ASIC1: variants seen among roughly 807,000 people sequenced by gnomAD.
The protein encoded by ASIC1 is acid-sensing ion channel 1.
A neutral mutation model predicts 63.4 loss-of-function variants in ASIC1; 21 were observed. The ratio of observed to expected loss-of-function variants is 0.33; its 90% CI spans 0.23 to 0.48. The LOEUF (loss-of-function observed/expected upper bound fraction) is 0.48. Ranked by LOEUF, ASIC1 falls within the 20% of genes least tolerant of loss-of-function variation. The pLI, the probability that ASIC1 is intolerant of heterozygous loss-of-function variation, is 0.99. For missense variants in ASIC1, 478 were observed against 695.5 expected (o/e 0.69, Z 3.52); for synonymous variants, 258 against 278.2 (o/e 0.93, Z 0.72).
intron 3 of ASIC1, among the ~76,000 whole-genome samples, chr12:50,070,142 G>A (rs1950584466): frequency 6.6e-6 from 1 of 152,180 alleles, no homozygotes; most frequent in East Asian, 1.9e-4. Flanking sequence ...TGGGTGGGGG[G>A]CGCTGTATGC....
Position 50,082,032 on chromosome 12 carries a change from G to A in ASIC1, c.*383G>A, listed in dbSNP as rs1468009447. On this transcript the variant is annotated 3_prime_UTR_variant, in exon 12 of 12. Transcript: ENST00000447966. ...AGGCCCTTCCCAGTGAGGGGTGGAA[G>A]GGATCTCTGGGGTCTGGAATTTGGC... The A allele has an allele frequency of 4.7e-6, 1 of 213,542 alleles. No individual in the cohort carries two copies. Among genetic ancestry groups the A allele is most frequent in the Non-Finnish European group, 9.4e-6 (1 of 106,910 alleles). The allele number at this position is 213,542 out of a possible 1,614,324, so 13.2% of individuals were successfully genotyped here. A position where few individuals can be genotyped will look rare whatever the true frequency, so the allele number is the denominator to read the frequency against.
At chr12:50,077,019 G>A (rs1480728820) in intron 3 of ASIC1, 194 bp from the exon 4 acceptor site, 1 of 942,564 alleles carries the variant, frequency 1.1e-6, no homozygotes, top group Non-Finnish European at 1.7e-6. Context: ...ACCAGGAACA[G>A]TTTTCCAGGG....
Position 50,059,752 on chromosome 12 carries a change from A to G in ASIC1, c.363-7A>G. On this transcript the variant is annotated splice_region_variant and splice_polypyrimidine_tract_variant and intron_variant, in intron 2 of 11. Coordinates refer to ENST00000447966, the MANE Select transcript of ASIC1 (RefSeq NM_001095.4). This position sits in a 1 kb window ranked among gnomAD's most constrained non-coding sequence, Gnocchi z 4.6. Reference sequence around the variant, plus strand: ...TGACCCGTGTGTCACTCACCCCCGGACCCCAGGTATGAGATACCAGACACA... The same window carrying G: ...TGACCCGTGTGTCACTCACCCCCGGGCCCCAGGTATGAGATACCAGACACA... The G allele has an allele frequency of 6.2e-7, 1 of 1,611,842 alleles. No individual in the cohort carries two copies. Among genetic ancestry groups the G allele is most frequent in the Non-Finnish European group, 8.5e-7 (1 of 1,178,884 alleles).
In ASIC1 at chr12:50,081,224, G is replaced by A. The variant is rs1446376736; in HGVS notation, c.1378-36G>A. 3.1e-6 allele frequency: 5 copies of A among 1,604,958 alleles called. No individual in the cohort carries two copies. In the Admixed American group the frequency reaches 5.1e-5, roughly 16 times the overall value. ...CCGGCACGGGGCCACGTGGGGGCGGGGTCCAGCCCGCCCACCTGCCCCGTC... is the reference window on the plus strand; with the variant it reads ...CCGGCACGGGGCCACGTGGGGGCGGAGTCCAGCCCGCCCACCTGCCCCGTC... On this transcript the variant is annotated intron_variant, in intron 10 of 11. Transcript: ENST00000447966.
At chr12:50,060,927 C>T (rs1950495468) in intron 3 of ASIC1, among the ~76,000 whole-genome samples, 1 of 152,196 alleles carries the variant, frequency 6.6e-6, no homozygotes, top group Non-Finnish European at 1.5e-5. Flanking sequence ...AATCACATTA[C>T]CTCTGTTTTA....
intron 4 of ASIC1, 64 bp downstream of exon 4, chr12:50,077,427 C>T (rs1205904554): frequency 1.2e-6 from 2 of 1,600,368 alleles, no homozygotes; most frequent in African/African-American, 2.7e-5. Flanking sequence ...CCAGGGGATT[C>T]CTGGGCTTCA....
intron 3 of ASIC1, among the ~76,000 whole-genome samples, chr12:50,068,027 C>G (rs1950562705): frequency 6.6e-6 from 1 of 152,128 alleles, no homozygotes; most frequent in Admixed American, 6.5e-5. Flanking sequence ...TCAATGCTAC[C>G]CCATAAGAGT....
Position 50,078,799 on chromosome 12 carries a change from A to C in ASIC1, c.995-125A>C. Reference sequence around the variant, plus strand: ...TGGAGTGGGTCACTTCTGGGGCAGCATGGGGGCCTGCCAGTCCTCCCTTCC... The same window carrying C: ...TGGAGTGGGTCACTTCTGGGGCAGCCTGGGGGCCTGCCAGTCCTCCCTTCC... On this transcript the variant is annotated intron_variant, in intron 6 of 11. Transcript: ENST00000447966. This position sits in a 1 kb window ranked among gnomAD's most constrained non-coding sequence, Gnocchi z 6.0. 4 of 1,343,186 alleles carry C rather than the reference A, an allele frequency of 3.0e-6. No individual in the cohort carries two copies. Among genetic ancestry groups the C allele is most frequent in the Non-Finnish European group, 3.2e-6 (3 of 939,090 alleles). 83.2% of individuals were successfully genotyped at this position (1,343,186 alleles called of 1,614,324 possible). A position where few individuals can be genotyped will look rare whatever the true frequency, so the allele number is the denominator to read the frequency against.
chr12:50,082,600 CCTGT>C lies in ASIC1; in HGVS notation c.*958_*961del, dbSNP rs1021232734. 1.3e-5 allele frequency: 2 copies of C among 152,626 alleles called. No homozygotes were observed. The highest frequency in any genetic ancestry group is 2.4e-5 in the African/African-American group (1 of 41,410). The allele number at this position is 152,626 out of a possible 1,614,324, so 9.5% of individuals were successfully genotyped here. Reference sequence around the variant, plus strand: ...ATATCTCTGTATATACTTTCCCAGCCCTGTCTGTCTCCACCCCATCCCCTCTTGT... The same window carrying C: ...ATATCTCTGTATATACTTTCCCAGCCCTGTCTCCACCCCATCCCCTCTTGT... On this transcript the variant is annotated 3_prime_UTR_variant, in exon 12 of 12. Coordinates refer to ENST00000447966, the MANE Select transcript of ASIC1 (RefSeq NM_001095.4).
intron 3 of ASIC1, among the ~76,000 whole-genome samples, chr12:50,065,169 C>G (rs553603815): frequency 3.3e-4 from 51 of 152,284 alleles, no homozygotes; most frequent in African/African-American, 1.2e-3. Flanking sequence ...CTTGGCCAAC[C>G]CCTGCCCACC....
chr12:50,069,583 C>G (rs12322287), intron 3 of ASIC1, among the ~76,000 whole-genome samples: 2 of 152,156 alleles, frequency 1.3e-5, no homozygotes, highest in South Asian at 4.1e-4. Context: ...CATAAGCCAC[C>G]GCGCCCAGCC....
intron 7 of ASIC1, among the ~76,000 whole-genome samples, chr12:50,079,538 G>C (rs1950693128): frequency 1.3e-5 from 2 of 152,212 alleles, no homozygotes; most frequent in Non-Finnish European, 2.9e-5. Context: ...GTTGACCCTG[G>C]AGGGTCCTGA....
In ASIC1 at chr12:50,074,088, C is replaced by G. The variant is rs1950628180; in HGVS notation, c.559-3125C>G. On this transcript the variant is annotated intron_variant, in intron 3 of 11. Transcript: ENST00000447966. This position sits in a 1 kb window ranked among gnomAD's most constrained non-coding sequence, Gnocchi z 4.2. ...TGCTGGGACTGGATGAAAGTGATGA[C>G]CCCGGGGTGCCCCTCGCTCCACCGG... is the stretch of plus-strand genomic sequence containing the variant. 1.3e-6 allele frequency: 2 copies of G among 1,535,338 alleles called. No individual in the cohort carries two copies. Among genetic ancestry groups the G allele is most frequent in the Non-Finnish European group, 1.7e-6 (2 of 1,146,472 alleles).
Position 50,059,922 on chromosome 12 carries a change from G to A in ASIC1, c.526G>A (p.Gly176Arg). Residue 176 changes from glycine (G) to arginine (R), a missense_variant, in exon 3 of 12, where the codon GGG becomes AGG. Physicochemically the swap from Gly to Arg is moderately radical, Grantham distance 125. Coordinates refer to ENST00000447966, the MANE Select transcript of ASIC1 (RefSeq NM_001095.4). The surrounding 1 kb of genome is among the most constrained non-coding windows in gnomAD (Gnocchi z 4.6). ...RDMLLSCHFR[G>R]EVCSAEDFKV... is the part of the protein sequence containing the mutation. ...CATGCTGCTCTCCTGCCACTTCCGG[G>A]GGGAGGTCTGCAGCGCTGAAGACTT... 1 of 1,614,130 alleles carries A rather than the reference G, an allele frequency of 6.2e-7. No individual in the cohort carries two copies. The highest frequency in any genetic ancestry group is 8.5e-7 in the Non-Finnish European group (1 of 1,180,002).
intron 3 of ASIC1, among the ~76,000 whole-genome samples, chr12:50,075,187 C>G (rs1302981775): frequency 6.6e-6 from 1 of 152,166 alleles, no homozygotes; most frequent in South Asian, 2.1e-4. Context: ...CCTCCACCCC[C>G]TCCCTAGCGT....
chr12:50,070,699 G>C (rs1950591257), intron 3 of ASIC1: 1 of 152,242 alleles, frequency 6.6e-6, no homozygotes, highest in Admixed American at 6.5e-5. Flanking sequence ...CGCATGGGCA[G>C]CTGCAGCTTC....
chr12:50,065,758 A>G (rs1175743540), intron 3 of ASIC1, among the ~76,000 whole-genome samples: 16 of 152,218 alleles, frequency 1.1e-4, no homozygotes, highest in Admixed American at 1.0e-3. Context: ...ACCCTTCTGC[A>G]TGCCCTCTGT....
At chr12:50,072,465 G>A (rs558247348) in intron 3 of ASIC1, among the ~76,000 whole-genome samples, 18 of 152,134 alleles carry the variant, frequency 1.2e-4, no homozygotes, top group Middle Eastern at 3.4e-3. Flanking sequence ...GTAAATTAGC[G>A]GTAGGGGAGC....
At chr12:50,073,541 C>A in intron 3 of ASIC1, 1 of 1,465,014 alleles carries the variant, frequency 6.8e-7, no homozygotes, top group South Asian at 1.4e-5. Flanking sequence ...GCACCTTCCC[C>A]CTTCCTCCTG....
Sources: allele counts gnomAD v4.1 joint callset (sites outside exome capture counted in the v4.1 genomes callset), GRCh38; gene constraint gnomAD v4.1.1; non-coding constraint Gnocchi (gnomAD v3.1); transcripts MANE v1.5; gene names NCBI Gene and HGNC (gene_info 2026-07-23, HGNC 2026-07-21).